The following SRP68 variants were observed in gnomAD, a reference collection of about 807,000 sequenced individuals.
SRP68 encodes the protein signal recognition particle subunit SRP68.
Under a neutral mutation model 82.2 loss-of-function variants are expected in SRP68, and 15 were observed. That is an observed-to-expected ratio of 0.18 (90% confidence interval 0.12 to 0.28). The LOEUF (loss-of-function observed/expected upper bound fraction) is 0.28. SRP68 is among the 10% of genes least tolerant of loss of function. The pLI, the probability that SRP68 is intolerant of heterozygous loss-of-function variation, is 1.00. For synonymous variants in SRP68, 261 were observed against 292.6 expected (o/e 0.89, Z 1.10); for missense variants, 595 against 780.5 (o/e 0.76, Z 2.83).
intron 8 of SRP68, among the ~76,000 whole-genome samples, chr17:76,053,082 C>T (rs1240284624): frequency 1.3e-5 from 2 of 151,614 alleles, no homozygotes; most frequent in Non-Finnish European, 2.9e-5. Flanking sequence ...GGCAACATGA[C>T]AAAACCCCAT....
chr17:76,060,352 A>G lies in SRP68; in HGVS notation c.793T>C (p.Leu265=), dbSNP rs138733829. ...AGACCCTCAGTGCCCCCAGACCTCAATCTCATCTGCATGAGTTCATTGATG... is the reference window on the plus strand; with the variant it reads ...AGACCCTCAGTGCCCCCAGACCTCAGTCTCATCTGCATGAGTTCATTGATG... ...SAINELMQMR[L]RSGGTEGLLA... Residue 265 remains leucine, a synonymous_variant, in exon 7 of 16, where the codon TTG becomes CTG. Coordinates refer to ENST00000307877, the MANE Select transcript of SRP68 (RefSeq NM_014230.4). The G allele has an allele frequency of 1.9e-6, 3 of 1,611,874 alleles. No homozygotes were observed. The highest frequency in any genetic ancestry group is 1.3e-5 in the African/African-American group (1 of 74,206).
chr17:76,046,465 G>GA (rs745410222), intron 10 of SRP68, among the ~76,000 whole-genome samples: 20,574 of 70,850 alleles, frequency 0.29, 2,122 homozygotes, highest in Non-Finnish European at 0.32. Flanking sequence ...CCACACAGTG[G>GA]AAAAAAAAAA....
chr17:76,042,310 TA>T (rs1442753360), intron 13 of SRP68, among the ~76,000 whole-genome samples: 1 of 152,036 alleles, frequency 6.6e-6, no homozygotes, highest in Non-Finnish European at 1.5e-5. Flanking sequence ...TATCGTTCAA[TA>T]ATCAGTAAAG....
At chr17:76,056,278 G>A (rs1192294932) in intron 8 of SRP68, among the ~76,000 whole-genome samples, 1 of 152,030 alleles carries the variant, frequency 6.6e-6, no homozygotes, top group Non-Finnish European at 1.5e-5. Context: ...CTGCTGTCTG[G>A]CACTGAACTG....
intron 8 of SRP68, 121 bp from the exon 9 acceptor site, chr17:76,050,647 C>T: frequency 3.1e-6 from 2 of 644,666 alleles, no homozygotes; most frequent in South Asian, 1.7e-5. Flanking sequence ...GCACGCCACA[C>T]CAGATATCAT....
At chr17:76,066,659 GAGA>G (rs1439297847) in intron 3 of SRP68, among the ~76,000 whole-genome samples, 1 of 150,132 alleles carries the variant, frequency 6.7e-6, no homozygotes, top group Non-Finnish European at 1.5e-5. Context: ...GGCAAGAAGG[GAGA>G]AGAAGCTTCC....
intron 11 of SRP68, 133 bp downstream of exon 11, chr17:76,045,905 T>A: frequency 9.1e-7 from 1 of 1,098,688 alleles, no homozygotes; most frequent in South Asian, 1.4e-5. Context: ...TGGTGTAAGA[T>A]CTTTGTCTCT....
At chr17:76,046,666 G>A (rs1204343472) in intron 10 of SRP68, among the ~76,000 whole-genome samples, 5 of 151,940 alleles carry the variant, frequency 3.3e-5, no homozygotes, top group East Asian at 3.9e-4. Flanking sequence ...GGGGGGCCAG[G>A]GGCAGTGGCT....
rs549548172 is a variant in SRP68 at position 76,053,184 on chromosome 17, T to C, written c.979-2658A>G. On this transcript the variant is annotated intron_variant, in intron 8 of 15. Transcript: ENST00000307877. The stretch of plus-strand genomic sequence containing the variant: ...AGGAGGCAAAGGTGGGAGGACCAAC[T>C]GAGACCAGGAGGTGGAGGTTGCAGT... 1.3e-3 allele frequency among the ~76,000 whole-genome samples: 186 copies of C among 148,224 alleles called. 1 individual carries two copies. The highest frequency in any genetic ancestry group is 4.3e-3 in the African/African-American group (174 of 40,068).
At position 76,060,695 on chromosome 17, in the gene SRP68, A is replaced by G. The variant is rs147330380; in HGVS notation, c.755-305T>C. ...GACTTTGGGAGATGATGGTGTGTCT[A>G]TAAAGGGCCATCAATTGTAACAAAT... is the stretch of plus-strand genomic sequence containing the variant. On this transcript the variant is annotated intron_variant, in intron 6 of 15. Coordinates refer to ENST00000307877, the MANE Select transcript of SRP68 (RefSeq NM_014230.4). The G allele has an allele frequency of 5.3e-4, 194 of 368,304 alleles. 1 individual carries two copies. Among genetic ancestry groups the G allele is most frequent in the Middle Eastern group, 3.9e-3 (5 of 1,286 alleles). The allele number at this position is 368,304 out of a possible 1,614,324, so 22.8% of individuals were successfully genotyped here. A position where few individuals can be genotyped will look rare whatever the true frequency, so the allele number is the denominator to read the frequency against.
intron 4 of SRP68, among the ~76,000 whole-genome samples, chr17:76,062,732 T>TATATATATATATATAAA (rs1555629396): frequency 4.7e-4 from 1 of 2,148 alleles, no homozygotes; most frequent in African/African-American, 3.4e-3. Flanking sequence ...ATTTATTTTA[T>TATATATATATATATAAA]ATATATATAT....
intron 2 of SRP68, 110 bp downstream of exon 2, chr17:76,070,268 A>G (rs1276585429): frequency 2.4e-6 from 2 of 829,724 alleles, no homozygotes; most frequent in East Asian, 2.7e-5. Context: ...AAAAAAAACA[A>G]TGCTCTAGAC....
intron 3 of SRP68, among the ~76,000 whole-genome samples, chr17:76,064,601 G>T (rs1279003340): frequency 2.0e-5 from 3 of 152,056 alleles, no homozygotes; most frequent in Non-Finnish European, 2.9e-5. Flanking sequence ...AGCACTTTGG[G>T]AGGCTGAGCC....
chr17:76,055,571 T>C (rs538655045), intron 8 of SRP68, among the ~76,000 whole-genome samples: 28 of 151,384 alleles, frequency 1.8e-4, no homozygotes, highest in African/African-American at 6.5e-4. Flanking sequence ...CTGGCTAACA[T>C]GGTGAAACCC....
At chr17:76,067,413 G>T (rs1057195156) in intron 2 of SRP68, 83 bp from the exon 3 acceptor site, 9 of 934,162 alleles carry the variant, frequency 9.6e-6, no homozygotes, top group Admixed American at 2.1e-5. Context: ...CAAGGTCAAG[G>T]GTCAATGGTT....
At chr17:76,051,183 A>T (rs1331826499) in intron 8 of SRP68, among the ~76,000 whole-genome samples, 1 of 152,244 alleles carries the variant, frequency 6.6e-6, no homozygotes, top group Non-Finnish European at 1.5e-5. Flanking sequence ...AGGACATACA[A>T]GGTTGACACG....
At chr17:76,047,870 A>G in intron 10 of SRP68, 36 bp downstream of exon 10, 1 of 1,117,502 alleles carries the variant, frequency 8.9e-7, no homozygotes, top group Non-Finnish European at 1.2e-6. Context: ...ATATTTTAAT[A>G]ATATTAAAAA....
At position 76,071,575 on chromosome 17, in the gene SRP68, C is replaced by A. The variant is rs775485620; in HGVS notation, c.184+733G>T. On this transcript the variant is annotated intron_variant, in intron 1 of 15. Coordinates refer to ENST00000307877, the MANE Select transcript of SRP68 (RefSeq NM_014230.4). The surrounding 1 kb of genome is among the most constrained non-coding windows in gnomAD (Gnocchi z 4.7). Reference sequence around the variant, plus strand: ...GTAATTCAAAATATTTAACTCCAAGCGCCTGAGAACTTTAAGCACATTAAG... The same window carrying A: ...GTAATTCAAAATATTTAACTCCAAGAGCCTGAGAACTTTAAGCACATTAAG... 1.3e-5 allele frequency among the ~76,000 whole-genome samples: 2 copies of A among 152,170 alleles called. No homozygotes were observed. Among genetic ancestry groups the A allele is most frequent in the African/African-American group, 4.8e-5 (2 of 41,438 alleles).
Position 76,072,437 on chromosome 17 carries a change from C to CGCCGCCACT in SRP68, c.46_54dup (p.Ser16_Gly18dup), listed in dbSNP as rs1455849646. ...CTACCGCCGCCGCCACTGCCACCGC[C>CGCCGCCACT]GCCGCCACTGCCGCCGCCGCCGCCG... On this transcript the variant is annotated inframe_insertion, in exon 1 of 16. Transcript: ENST00000307877. This position sits in a 1 kb window ranked among gnomAD's most constrained non-coding sequence, Gnocchi z 4.5. 58 of 1,582,704 alleles carry CGCCGCCACT rather than the reference C, an allele frequency of 3.7e-5. No homozygotes were observed. The highest frequency in any genetic ancestry group is 4.8e-5 in the Non-Finnish European group (56 of 1,166,246).
Sources: gnomAD v4.1 joint callset for allele counts (sites outside exome capture counted in the v4.1 genomes callset) on GRCh38, gnomAD v4.1.1 for gene constraint, Gnocchi (gnomAD v3.1) non-coding constraint, MANE v1.5 for transcripts, NCBI Gene and HGNC (gene_info 2026-07-23, HGNC 2026-07-21) for gene names.